The following FHIT variants were observed in gnomAD, a reference collection of about 807,000 sequenced individuals.
FHIT encodes bis(5'-adenosyl)-triphosphatase.
A neutral mutation model predicts 17.9 loss-of-function variants in FHIT; 19 were observed. The ratio of observed to expected loss-of-function variants is 1.06; its 90% CI spans 0.74 to 1.56. The LOEUF (loss-of-function observed/expected upper bound fraction) is 1.56. FHIT is among the 40% of genes most tolerant of loss of function. FHIT has a pLI of 0.00. For synonymous variants in FHIT, 81 were observed against 69.7 expected, an observed-to-expected ratio of 1.16 and a Z score of -0.81; for missense variants, 248 against 189.2, an observed-to-expected ratio of 1.31 and a Z score of -1.82.
chr3:60,179,945 A>G (rs1272099265), intron 5 of FHIT, among the ~76,000 whole-genome samples: 2 of 152,200 alleles, frequency 1.3e-5, no homozygotes, highest in Non-Finnish European at 2.9e-5. Flanking sequence ...CTGAATGACA[A>G]TTCTAAATTC....
chr3:60,775,560 T>C (rs1700191681), intron 4 of FHIT, among the ~76,000 whole-genome samples: 4 of 152,134 alleles, frequency 2.6e-5, no homozygotes, highest in Admixed American at 2.6e-4. Context: ...AACCTAAATT[T>C]TCGTGGCTGT....
intron 5 of FHIT, among the ~76,000 whole-genome samples, chr3:60,124,269 G>A (rs1705438169): frequency 6.6e-6 from 1 of 151,438 alleles, no homozygotes; most frequent in Non-Finnish European, 1.5e-5. Context: ...CACCAGACCA[G>A]TTTGAAGACT....
At chr3:61,046,607 T>C (rs1043333609) in intron 2 of FHIT, among the ~76,000 whole-genome samples, 25 of 152,100 alleles carry the variant, frequency 1.6e-4, no homozygotes, top group African/African-American at 5.8e-4. Context: ...TTCCAATCAA[T>C]AGAGAAAGAG....
intron 3 of FHIT, among the ~76,000 whole-genome samples, chr3:60,940,740 T>TA (rs1457732683): frequency 1.3e-5 from 2 of 152,200 alleles, no homozygotes; most frequent in Non-Finnish European, 2.9e-5. Context: ...GCATAGTGGT[T>TA]AAAATGCTCT....
chr3:60,266,261 TG>T (rs1338890674), intron 5 of FHIT, among the ~76,000 whole-genome samples: 1 of 151,936 alleles, frequency 6.6e-6, no homozygotes, highest in East Asian at 1.9e-4. Context: ...TGATGAACCA[TG>T]AAAACATTAT....
Position 61,198,136 on chromosome 3 carries a change from T to G in FHIT, c.-164+2481A>C, listed in dbSNP as rs374085869. ...ACTAATGAATAGACTATACTATCAA[T>G]GAGGGTTCTGTAGTTGCAAGCAGAA... is the stretch of plus-strand genomic sequence containing the variant. On this transcript the variant is annotated intron_variant, in intron 2 of 9. Coordinates refer to ENST00000492590, the MANE Select transcript of FHIT (RefSeq NM_002012.4). Among the ~76,000 whole-genome samples the G allele has an allele frequency of 4.5e-4, 68 of 152,124 alleles. 2 individuals carry two copies. The East Asian group carries it at 7.7e-3, about 17-fold the overall frequency.
At chr3:60,011,425 A>C in intron 6 of FHIT, 25 bp from the exon 7 acceptor site, 1 of 1,603,758 alleles carries the variant, frequency 6.2e-7, no homozygotes, top group Non-Finnish European at 8.5e-7. Flanking sequence ...AAACCAACAG[A>C]GGTGAGAATA....
At chr3:60,435,465 G>T in intron 5 of FHIT, among the ~76,000 whole-genome samples, 1 of 151,682 alleles carries the variant, frequency 6.6e-6, no homozygotes, top group East Asian at 1.9e-4. Context: ...CCAGCAACTT[G>T]ATTTATGAAG....
chr3:61,044,233 G>A (rs1348211117), intron 2 of FHIT, among the ~76,000 whole-genome samples: 7 of 152,014 alleles, frequency 4.6e-5, no homozygotes, highest in African/African-American at 9.7e-5. Context: ...TAAAAACCTT[G>A]AAAAAAGATT....
At chr3:61,062,226 CT>C (rs1186459252) in intron 2 of FHIT, among the ~76,000 whole-genome samples, 1 of 152,116 alleles carries the variant, frequency 6.6e-6, no homozygotes, top group Non-Finnish European at 1.5e-5. Flanking sequence ...GGGTATCCCC[CT>C]GATTTTGCCC....
At chr3:60,572,194 A>G (rs1576903842) in intron 4 of FHIT, among the ~76,000 whole-genome samples, 1 of 152,290 alleles carries the variant, frequency 6.6e-6, no homozygotes, top group Non-Finnish European at 1.5e-5. Flanking sequence ...TATCTCCAAT[A>G]TCAAGGCAGT....
chr3:59,794,690 T>C (rs1405037263), intron 8 of FHIT, among the ~76,000 whole-genome samples: 1 of 152,202 alleles, frequency 6.6e-6, no homozygotes, highest in Non-Finnish European at 1.5e-5. Flanking sequence ...TGCTAAGCAC[T>C]CTCCATGCAT....
At chr3:60,864,362 G>A (rs547774631) in intron 3 of FHIT, among the ~76,000 whole-genome samples, 11 of 152,232 alleles carry the variant, frequency 7.2e-5, no homozygotes, top group African/African-American at 2.4e-4. Flanking sequence ...ATCGGTAAGT[G>A]GTGGAGCTGG....
At chr3:59,774,466 G>GTGTT (rs957526479) in intron 8 of FHIT, among the ~76,000 whole-genome samples, 2 of 152,186 alleles carry the variant, frequency 1.3e-5, no homozygotes, top group African/African-American at 2.4e-5. Context: ...CTGTGCCTCA[G>GTGTT]TGTTTGTATC....
intron 2 of FHIT, among the ~76,000 whole-genome samples, chr3:61,160,672 T>C (rs2037662443): frequency 6.6e-6 from 1 of 152,224 alleles, no homozygotes; most frequent in Non-Finnish European, 1.5e-5. Flanking sequence ...AAATGCCTTT[T>C]TTAAAGTTAC....
intron 5 of FHIT, among the ~76,000 whole-genome samples, chr3:60,127,736 C>G (rs1342673002): frequency 6.6e-6 from 1 of 152,044 alleles, no homozygotes; most frequent in East Asian, 1.9e-4. Context: ...GAGTAGCTAG[C>G]ACTATTGGCG....
intron 5 of FHIT, among the ~76,000 whole-genome samples, chr3:60,141,647 T>C (rs1013806943): frequency 6.6e-6 from 1 of 152,208 alleles, no homozygotes; most frequent in African/African-American, 2.4e-5. Flanking sequence ...CTAGAGCCAA[T>C]GTTTTTAGAA....
chr3:60,621,867 T>G (rs2039140097), intron 4 of FHIT, among the ~76,000 whole-genome samples: 1 of 96,916 alleles, frequency 1.0e-5, no homozygotes, highest in Non-Finnish European at 2.2e-5. Context: ...AGTGAGACAC[T>G]CTCCAAAAAA....
intron 1 of FHIT, among the ~76,000 whole-genome samples, chr3:61,225,938 A>G (rs1027523308): frequency 6.6e-6 from 1 of 152,236 alleles, no homozygotes; most frequent in Non-Finnish European, 1.5e-5. Context: ...ATTCTATTTC[A>G]CCAGGGCCAA....
Sources: allele counts gnomAD v4.1 joint callset (sites outside exome capture counted in the v4.1 genomes callset), GRCh38; gene constraint gnomAD v4.1.1; transcripts MANE v1.5; gene names NCBI Gene and HGNC (gene_info 2026-07-23, HGNC 2026-07-21).